Variants in LMTK2 observed in about 807,000 individuals in gnomAD.
LMTK2 encodes lemur tail kinase 2.
A neutral mutation model predicts 127.5 loss-of-function variants in LMTK2; 37 were observed. The observed-to-expected ratio is 0.29, with a 90% CI of 0.22 to 0.38. The LOEUF is 0.38. Among genes scored for constraint, LMTK2 ranks in the 10% least tolerant of loss-of-function variants. The pLI is 1.00. For synonymous variants in LMTK2, 819 were observed against 810.1 expected, an observed-to-expected ratio of 1.01 and a Z score of -0.19; for missense variants, 1,694 against 1,920.3, an observed-to-expected ratio of 0.88 and a Z score of 2.20.
intron 5 of LMTK2, among the ~76,000 whole-genome samples, chr7:98,156,221 C>T (rs551391416): frequency 2.6e-5 from 4 of 152,302 alleles, no homozygotes; most frequent in South Asian, 2.1e-4. Flanking sequence ...AATCCCAGTA[C>T]TTGGAAGGCT....
intron 6 of LMTK2, among the ~76,000 whole-genome samples, chr7:98,167,847 AGCCAGTGGGGGGGCCGAGGAAGGAGCG>A: frequency 6.6e-6 from 1 of 152,190 alleles, no homozygotes; most frequent in South Asian, 2.1e-4. Context: ...GAGGAGGGAG[AGCCAGTGGGGGGGCCGAGGAAGGAGCG>A]GCCAGTGGGA....
chr7:98,108,833 A>T (rs1252494581), intron 1 of LMTK2, among the ~76,000 whole-genome samples: 1 of 149,180 alleles, frequency 6.7e-6, no homozygotes, highest in Non-Finnish European at 1.5e-5. Flanking sequence ...GATTCTTTAT[A>T]GGAACCTATG....
Position 98,194,360 on chromosome 7 carries a change from C to T in LMTK2, c.3895C>T (p.Arg1299Trp), listed in dbSNP as rs1562922300. 2.5e-6 allele frequency: 4 copies of T among 1,614,136 alleles called. No homozygotes were observed. Among genetic ancestry groups the T allele is most frequent in the Non-Finnish European group, 2.5e-6 (3 of 1,180,028 alleles). ...CAGCGACGACTCGGACGAGGACCTG[C>T]GGGCCTTCAACCTGCATAGCCTCAG... Reference protein sequence around the residue: ...ENSDDSDEDLRAFNLHSLSSE... With the variant: ...ENSDDSDEDLWAFNLHSLSSE... Residue 1299 changes from arginine to tryptophan, a missense_variant, in exon 11 of 14, where the codon CGG (arginine) becomes TGG (tryptophan). Coordinates refer to ENST00000297293, the MANE Select transcript of LMTK2 (RefSeq NM_014916.4). The surrounding 1 kb of genome is among the most constrained non-coding windows in gnomAD (Gnocchi z 5.4).
chr7:98,165,641 G>A (rs1055777012), intron 6 of LMTK2, among the ~76,000 whole-genome samples: 5 of 151,950 alleles, frequency 3.3e-5, no homozygotes, highest in Admixed American at 1.3e-4. Context: ...ACTACCAGCG[G>A]GAGGCCTCCA....
rs573675637 is a variant in LMTK2, at chr7:98,169,373, A to T, written c.658-2168A>T. Among the ~76,000 whole-genome samples, 9 of 152,344 alleles carry T rather than the reference A, an allele frequency of 5.9e-5. No individual in the cohort carries two copies. In the South Asian group the frequency reaches 1.9e-3, roughly 32 times the overall value. On this transcript the variant is annotated intron_variant, in intron 6 of 13. Coordinates refer to ENST00000297293, the MANE Select transcript of LMTK2 (RefSeq NM_014916.4). Reference sequence around the variant, plus strand: ...GAGAGAAGACATTTTAAGAACAGTGAGTGTGGTGAATATACTTTAGATACC... The same window carrying T: ...GAGAGAAGACATTTTAAGAACAGTGTGTGTGGTGAATATACTTTAGATACC...
chr7:98,170,691 A>G (rs62479802), intron 6 of LMTK2, among the ~76,000 whole-genome samples: 11,654 of 152,256 alleles, frequency 0.077, 671 homozygotes, highest in Non-Finnish European at 0.12. Flanking sequence ...TAAATATTTA[A>G]TCATATGGTA....
chr7:98,142,633 GC>G (rs990601070), intron 3 of LMTK2, among the ~76,000 whole-genome samples: 1 of 152,154 alleles, frequency 6.6e-6, no homozygotes, highest in Admixed American at 6.5e-5. Context: ...GCTTTTACAG[GC>G]CCATAGTCGA....
chr7:98,193,810 A>G lies in LMTK2; in HGVS notation c.3345A>G (p.Lys1115=), dbSNP rs1197758068. The change falls in exon 11 of 14, where the codon AAA becomes AAG. Residue 1115 remains lysine (K), a synonymous_variant. Transcript: ENST00000297293. This position sits in a 1 kb window ranked among gnomAD's most constrained non-coding sequence, Gnocchi z 4.1. ...YFSDNDSEPE[K]RSEEVPGTSP... ...CAGACAATGACTCTGAGCCCGAGAA[A>G]AGGTCTGAGGAGGTCCCGGGAACCT... 1 of 1,613,914 alleles carries G rather than the reference A, an allele frequency of 6.2e-7. No homozygotes were observed. The highest frequency in any genetic ancestry group is 2.2e-5 in the East Asian group (1 of 44,854).
In LMTK2 at chr7:98,154,841, A is replaced by T. The variant is rs1359709080; in HGVS notation, c.534A>T (p.Glu178Asp). ...KELKASANPKEQDTFLKNGEP... is the reference protein window; with the variant it reads ...KELKASANPKDQDTFLKNGEP... ...TAAAAGCAAGTGCCAACCCAAAGGA[A>T]CAAGATACTTTTTTGAAAAATGGAG... The change falls in exon 5 of 14, where the codon GAA (glutamate) becomes GAT (aspartate). Residue 178 changes from glutamate (E) to aspartate (D), a missense_variant. This residue lies in a region of LMTK2 where 203 missense variants were observed against 226.2 expected (regional missense o/e 0.90). Coordinates refer to ENST00000297293, the MANE Select transcript of LMTK2 (RefSeq NM_014916.4). The T allele has an allele frequency of 6.2e-7, 1 of 1,612,770 alleles. No individual in the cohort carries two copies. The highest frequency in any genetic ancestry group is 8.5e-7 in the Non-Finnish European group (1 of 1,178,736).
chr7:98,147,858 C>A (rs1796796015), intron 3 of LMTK2, among the ~76,000 whole-genome samples: 2 of 152,168 alleles, frequency 1.3e-5, no homozygotes, highest in African/African-American at 4.8e-5. Flanking sequence ...CTCCTGGTTT[C>A]CTTTGGTTCT....
At chr7:98,186,527 T>G (rs1471303809) in intron 8 of LMTK2, among the ~76,000 whole-genome samples, 1 of 152,182 alleles carries the variant, frequency 6.6e-6, no homozygotes, top group Non-Finnish European at 1.5e-5. Context: ...AAGCCTACAG[T>G]CTTGCTCCCT....
chr7:98,163,305 C>T (rs549591146), intron 6 of LMTK2, among the ~76,000 whole-genome samples: 30 of 151,918 alleles, frequency 2.0e-4, no homozygotes, highest in Non-Finnish European at 4.0e-4. Flanking sequence ...TTTTTTACCC[C>T]AGTAGAAAAA....
intron 7 of LMTK2, among the ~76,000 whole-genome samples, chr7:98,172,730 A>C (rs2116427084): frequency 6.6e-6 from 1 of 152,212 alleles, no homozygotes; most frequent in East Asian, 1.9e-4. Flanking sequence ...TGACTTGAAG[A>C]GATGTGTATG....
chr7:98,143,314 C>A (rs1025506562), intron 3 of LMTK2, among the ~76,000 whole-genome samples: 1 of 152,082 alleles, frequency 6.6e-6, no homozygotes, highest in Non-Finnish European at 1.5e-5. Context: ...AATCCAGAAT[C>A]CATAAAGGAA....
chr7:98,122,862 T>C lies in LMTK2; in HGVS notation c.104-14453T>C, dbSNP rs534493322. ...TGCTTTTCTCCTCTGCCTTCCATGGTAGTATGCCTCCCTGTTGCCTCCGAA... is the reference window on the plus strand; with the variant it reads ...TGCTTTTCTCCTCTGCCTTCCATGGCAGTATGCCTCCCTGTTGCCTCCGAA... On this transcript the variant is annotated intron_variant, in intron 1 of 13. Coordinates refer to ENST00000297293, the MANE Select transcript of LMTK2 (RefSeq NM_014916.4). Among the ~76,000 whole-genome samples, 5 of 152,180 alleles carry C rather than the reference T, an allele frequency of 3.3e-5. No homozygotes were observed. In the South Asian group the frequency reaches 1.0e-3, roughly 32 times the overall value.
intron 7 of LMTK2, among the ~76,000 whole-genome samples, chr7:98,184,214 A>T (rs561510565): frequency 4.1e-4 from 62 of 152,120 alleles, no homozygotes; most frequent in African/African-American, 1.4e-3. Context: ...TTTTTCCTTA[A>T]CCTGTCGAGC....
At chr7:98,107,718 C>T (rs116815786) in intron 1 of LMTK2, among the ~76,000 whole-genome samples, 240 of 152,230 alleles carry the variant, frequency 1.6e-3, no homozygotes, top group African/African-American at 5.5e-3. Context: ...AGTTTGTTTT[C>T]GCTCCTTGCA....
chr7:98,166,219 T>C (rs1373485892), intron 6 of LMTK2, among the ~76,000 whole-genome samples: 1 of 152,194 alleles, frequency 6.6e-6, no homozygotes, highest in Admixed American at 6.5e-5. Flanking sequence ...CTAGGTGCTG[T>C]CTTCTTTCTC....
chr7:98,159,572 G>A (rs1235607758), intron 6 of LMTK2, 147 bp downstream of exon 6: 1 of 648,254 alleles, frequency 1.5e-6, no homozygotes, highest in African/African-American at 1.9e-5. Flanking sequence ...ATTCCCTTTG[G>A]TGATGGTGAT....
Sources: allele counts gnomAD v4.1 joint callset (sites outside exome capture counted in the v4.1 genomes callset), GRCh38; gene constraint gnomAD v4.1.1; regional missense constraint gnomAD v4.1.1; non-coding constraint Gnocchi (gnomAD v3.1); transcripts MANE v1.5; gene names NCBI Gene and HGNC (gene_info 2026-07-23, HGNC 2026-07-21).